The following PCGF5 variants were observed in gnomAD, a reference collection of about 807,000 sequenced individuals.
PCGF5 encodes the protein polycomb group RING finger protein 5.
Under a neutral mutation model 44.3 loss-of-function variants are expected in PCGF5, and 9 were observed. The ratio of observed to expected loss-of-function variants is 0.20; its 90% confidence interval spans 0.12 to 0.35. PCGF5 has a LOEUF of 0.35. Among genes scored for constraint, PCGF5 ranks in the 10% least tolerant of loss-of-function variants. The probability of loss-of-function intolerance (pLI) is 1.00; values close to 1 mark genes in which losing one functional copy is unlikely to be tolerated. For synonymous variants in PCGF5, 95 were observed against 102.5 expected, an observed-to-expected ratio of 0.93 and a Z score of 0.44; for missense variants, 146 against 305.3, an observed-to-expected ratio of 0.48 and a Z score of 3.89.
At chr10:91,176,496 T>C (rs1407598747) in intron 1 of PCGF5, among the ~76,000 whole-genome samples, 1 of 152,268 alleles carries the variant, frequency 6.6e-6, no homozygotes, top group Non-Finnish European at 1.5e-5. Flanking sequence ...GATAATATCC[T>C]GCAGAGTGTT....
rs866626497 is a variant in PCGF5, at chr10:91,279,871, A to G, written c.*1555A>G. 3.9e-5 allele frequency: 6 copies of G among 152,136 alleles called. No homozygotes were observed. The highest frequency in any genetic ancestry group is 5.9e-5 in the Non-Finnish European group (4 of 67,948). The allele number at this position is 152,136 out of a possible 1,614,324, so 9.4% of individuals were successfully genotyped here. Reference sequence around the variant, plus strand: ...TCAAAATGATTCTTAGAAATAAGATATTGTACAACTCTAGCAAACATACAA... The same window carrying G: ...TCAAAATGATTCTTAGAAATAAGATGTTGTACAACTCTAGCAAACATACAA... On this transcript the variant is annotated 3_prime_UTR_variant, in exon 10 of 10. Coordinates refer to ENST00000336126, the MANE Select transcript of PCGF5 (RefSeq NM_032373.5).
chr10:91,195,455 TATATATATATGCATGC>T (rs1213474287), intron 1 of PCGF5, among the ~76,000 whole-genome samples: 4 of 124,160 alleles, frequency 3.2e-5, no homozygotes, highest in Admixed American at 1.7e-4. Context: ...TATATATGCA[TATATATATATGCATGC>T]ATATATATAT....
At chr10:91,255,790 A>G (rs1300454559) in intron 6 of PCGF5, among the ~76,000 whole-genome samples, 1 of 152,066 alleles carries the variant, frequency 6.6e-6, no homozygotes, top group African/African-American at 2.4e-5. Context: ...GTCCCTCAGT[A>G]TATGTTGGGG....
At chr10:91,163,113 T>A (rs2133148982) in intron 1 of PCGF5, 1 of 149,366 alleles carries the variant, frequency 6.7e-6, no homozygotes, top group East Asian at 2.0e-4. Flanking sequence ...CCAGGCGGCT[T>A]CCCCGCCCGA....
chr10:91,225,956 TTAAA>T (rs1437819663), intron 2 of PCGF5, among the ~76,000 whole-genome samples: 2 of 151,968 alleles, frequency 1.3e-5, no homozygotes, highest in African/African-American at 4.8e-5. Context: ...GGTTATAAAA[TTAAA>T]TAACCAAATG....
chr10:91,262,874 C>T (rs1187390911), intron 7 of PCGF5, among the ~76,000 whole-genome samples: 2 of 152,112 alleles, frequency 1.3e-5, no homozygotes, highest in Admixed American at 6.5e-5. Context: ...ATTTTCTTCA[C>T]GCAAAATACC....
chr10:91,171,863 A>C (rs1397456314), intron 1 of PCGF5, among the ~76,000 whole-genome samples: 1 of 152,160 alleles, frequency 6.6e-6, no homozygotes, highest in East Asian at 1.9e-4. Flanking sequence ...GTCTTCGGGA[A>C]CTATGAGGCC....
intron 6 of PCGF5, among the ~76,000 whole-genome samples, chr10:91,251,782 C>G (rs1021186965): frequency 6.6e-6 from 1 of 151,948 alleles, no homozygotes; most frequent in African/African-American, 2.4e-5. Flanking sequence ...AGTTCTAGCC[C>G]TTTTATTCAT....
At chr10:91,202,834 G>C (rs572094604) in intron 1 of PCGF5, among the ~76,000 whole-genome samples, 196 of 152,284 alleles carry the variant, frequency 1.3e-3, no homozygotes, top group Non-Finnish European at 2.2e-3. Context: ...ACTTTTAGAT[G>C]TATTTATGTT....
intron 1 of PCGF5, among the ~76,000 whole-genome samples, chr10:91,193,677 T>C (rs902468720): frequency 6.6e-6 from 1 of 152,096 alleles, no homozygotes; most frequent in Admixed American, 6.5e-5. Flanking sequence ...TAGGGAGTCA[T>C]TGCAGCATTT....
At chr10:91,275,926 T>C (rs1389079394) in intron 9 of PCGF5, among the ~76,000 whole-genome samples, 1 of 152,152 alleles carries the variant, frequency 6.6e-6, no homozygotes, top group Non-Finnish European at 1.5e-5. Flanking sequence ...TAAACTCAAA[T>C]GTGCAGCAAA....
intron 2 of PCGF5, among the ~76,000 whole-genome samples, chr10:91,239,335 A>G (rs1845262757): frequency 1.3e-5 from 2 of 152,196 alleles, no homozygotes; most frequent in African/African-American, 4.8e-5. Context: ...TAATCTCTGT[A>G]TGTACTAAAT....
In PCGF5 at chr10:91,222,837, C is replaced by T; in HGVS notation, c.-35C>T. 1 of 1,346,532 alleles carries T rather than the reference C, an allele frequency of 7.4e-7. No homozygotes were observed. Among genetic ancestry groups the T allele is most frequent in the Non-Finnish European group, 1.1e-6 (1 of 937,154 alleles). The allele number at this position is 1,346,532 out of a possible 1,614,324, so 83.4% of individuals were successfully genotyped here. Reference sequence around the variant, plus strand: ...TTCATCTACTTAGGACCCCTCTTTGCCCAGACTACTAAAGCCAGTCTTCAC... The same window carrying T: ...TTCATCTACTTAGGACCCCTCTTTGTCCAGACTACTAAAGCCAGTCTTCAC... On this transcript the variant is annotated 5_prime_UTR_variant, in exon 2 of 10. Transcript: ENST00000336126.
intron 6 of PCGF5, among the ~76,000 whole-genome samples, chr10:91,260,582 T>C (rs1370845695): frequency 6.6e-6 from 1 of 152,034 alleles, no homozygotes; most frequent in African/African-American, 2.4e-5. Flanking sequence ...AACGATAAAC[T>C]GGATTAAGAA....
chr10:91,269,619 G>T (rs1037831199), intron 8 of PCGF5, among the ~76,000 whole-genome samples: 5 of 152,094 alleles, frequency 3.3e-5, no homozygotes, highest in African/African-American at 1.2e-4. Context: ...ATTCTTAGAA[G>T]TAGATTTTCA....
chr10:91,159,170 C>T (rs1000968654), upstream of PCGF5, among the ~76,000 whole-genome samples: 7 of 152,210 alleles, frequency 4.6e-5, no homozygotes, highest in African/African-American at 1.7e-4. Context: ...ATGCAGGGAA[C>T]ATACAATTAG....
chr10:91,243,175 T>C (rs190346954), intron 3 of PCGF5, among the ~76,000 whole-genome samples: 1 of 152,282 alleles, frequency 6.6e-6, no homozygotes, highest in African/African-American at 2.4e-5. Flanking sequence ...CTCAGAGGCC[T>C]GAGTATACCA....
intron 1 of PCGF5, among the ~76,000 whole-genome samples, chr10:91,181,322 C>G (rs758717268): frequency 6.6e-6 from 1 of 152,176 alleles, no homozygotes; most frequent in African/African-American, 2.4e-5. Flanking sequence ...TTGACTTCCT[C>G]TTTTCCTATT....
intron 8 of PCGF5, among the ~76,000 whole-genome samples, chr10:91,268,509 A>G (rs1846099048): frequency 6.6e-6 from 1 of 152,028 alleles, no homozygotes; most frequent in African/African-American, 2.4e-5. Flanking sequence ...TCTATTTGGC[A>G]CTATGGGATG....
Sources: gnomAD v4.1 joint callset for allele counts (sites outside exome capture counted in the v4.1 genomes callset) on GRCh38, gnomAD v4.1.1 for gene constraint, MANE v1.5 for transcripts, NCBI Gene and HGNC (gene_info 2026-07-23, HGNC 2026-07-21) for gene names.